The following NPAS3 variants were observed in gnomAD, a reference collection of about 807,000 sequenced individuals.
The protein encoded by NPAS3 is neuronal PAS domain protein 3.
A neutral mutation model predicts 73.1 loss-of-function variants in NPAS3; 14 were observed. The observed-to-expected ratio is 0.19, with a 90% CI of 0.13 to 0.30. The LOEUF (loss-of-function observed/expected upper bound fraction) is 0.30, where lower values mean the gene tolerates loss of function less well. Among genes scored for constraint, NPAS3 ranks in the 10% least tolerant of loss-of-function variants. The pLI, the probability that NPAS3 is intolerant of heterozygous loss-of-function variation, is 1.00. For missense variants in NPAS3, 1,096 were observed against 1,250.0 expected, an observed-to-expected ratio of 0.88 and a Z score of 1.86; for synonymous variants, 620 against 541.5, an observed-to-expected ratio of 1.14 and a Z score of -2.01.
chr14:32,983,404 A>T (rs755600015), intron 1 of NPAS3, among the ~76,000 whole-genome samples: 2 of 152,172 alleles, frequency 1.3e-5, no homozygotes, highest in Non-Finnish European at 2.9e-5. Context: ...TTACATTCCC[A>T]CTATTCAGGG....
intron 4 of NPAS3, among the ~76,000 whole-genome samples, chr14:33,447,309 C>T (rs1406015344): frequency 6.6e-6 from 1 of 152,142 alleles, no homozygotes; most frequent in East Asian, 1.9e-4. Context: ...CACAGAAGAG[C>T]ATGTTGTACA....
intron 3 of NPAS3, among the ~76,000 whole-genome samples, chr14:33,245,163 C>G (rs1042569218): frequency 6.6e-6 from 1 of 152,042 alleles, no homozygotes; most frequent in Non-Finnish European, 1.5e-5. Context: ...TATTTTTAGT[C>G]ATATTAAAAT....
chr14:33,549,617 A>G (rs2055014666), intron 4 of NPAS3, among the ~76,000 whole-genome samples: 1 of 152,212 alleles, frequency 6.6e-6, no homozygotes, highest in African/African-American at 2.4e-5. Flanking sequence ...TTGCTGTCTG[A>G]TATGATAGGT....
intron 2 of NPAS3, among the ~76,000 whole-genome samples, chr14:33,125,786 C>T (rs368693511): frequency 1.3e-5 from 2 of 151,984 alleles, no homozygotes; most frequent in Non-Finnish European, 2.9e-5. Context: ...AATCTTTAAA[C>T]CATACATGTT....
chr14:33,455,798 G>A (rs2049998196), intron 4 of NPAS3, among the ~76,000 whole-genome samples: 1 of 152,168 alleles, frequency 6.6e-6, no homozygotes, highest in Non-Finnish European at 1.5e-5. Flanking sequence ...TCCTCTAAGA[G>A]TCTTGCTCAT....
At chr14:33,463,953 T>C (rs2050389280) in intron 4 of NPAS3, among the ~76,000 whole-genome samples, 1 of 152,022 alleles carries the variant, frequency 6.6e-6, no homozygotes, top group Non-Finnish European at 1.5e-5. Context: ...AGGTTTCAGG[T>C]TGGATTCCTG....
intron 1 of NPAS3, among the ~76,000 whole-genome samples, chr14:33,025,941 A>C (rs2039786125): frequency 6.6e-6 from 1 of 152,212 alleles, no homozygotes; most frequent in Non-Finnish European, 1.5e-5. Context: ...ACAGTTGCCA[A>C]GTAGGTTCCA....
intron 4 of NPAS3, among the ~76,000 whole-genome samples, chr14:33,385,362 C>G (rs567684419): frequency 3.5e-4 from 53 of 152,204 alleles, no homozygotes; most frequent in African/African-American, 1.3e-3. Context: ...GCTAATTTTC[C>G]CTGTTGGAAA....
intron 5 of NPAS3, among the ~76,000 whole-genome samples, chr14:33,597,193 T>G (rs187160005): frequency 3.9e-5 from 6 of 152,216 alleles, no homozygotes; most frequent in Non-Finnish European, 7.3e-5. Context: ...AGGAGTAGCA[T>G]GTAGATTTCT....
intron 5 of NPAS3, among the ~76,000 whole-genome samples, chr14:33,607,014 T>C (rs1477625101): frequency 6.6e-6 from 1 of 152,218 alleles, no homozygotes; most frequent in African/African-American, 2.4e-5. Context: ...AGATTAAAAC[T>C]ACAGTGATAT....
At chr14:33,656,221 GCTAA>G (rs745348177) in intron 5 of NPAS3, among the ~76,000 whole-genome samples, 11 of 152,326 alleles carry the variant, frequency 7.2e-5, no homozygotes, top group Admixed American at 3.9e-4. Flanking sequence ...TAAGTACTGT[GCTAA>G]CTGTGTGGCA....
chr14:32,989,310 A>T (rs912949696), intron 1 of NPAS3, among the ~76,000 whole-genome samples: 14 of 152,228 alleles, frequency 9.2e-5, no homozygotes, highest in Non-Finnish European at 1.3e-4. Context: ...AGGTAGTCCT[A>T]TACAGGAAAT....
chr14:33,057,359 G>A (rs576366144), intron 2 of NPAS3, among the ~76,000 whole-genome samples: 1 of 151,970 alleles, frequency 6.6e-6, no homozygotes, highest in Admixed American at 6.6e-5. Flanking sequence ...GGCTCTTGGT[G>A]GCCAGGTTTC....
At chr14:32,993,624 A>G (rs1465267160) in intron 1 of NPAS3, among the ~76,000 whole-genome samples, 8 of 152,216 alleles carry the variant, frequency 5.3e-5, no homozygotes, top group Admixed American at 1.3e-4. Flanking sequence ...GTATTTTTAT[A>G]TTCAAATAAC....
At chr14:33,033,946 T>C (rs2040079628) in intron 1 of NPAS3, among the ~76,000 whole-genome samples, 1 of 152,212 alleles carries the variant, frequency 6.6e-6, no homozygotes, top group Admixed American at 6.6e-5. Context: ...TGTTTAGAGG[T>C]GTTATTTGAA....
intron 6 of NPAS3, among the ~76,000 whole-genome samples, chr14:33,678,474 C>T (rs113954590): frequency 0.019 from 2,888 of 152,208 alleles, 87 homozygotes; most frequent in African/African-American, 0.064. Context: ...TATTCAATGG[C>T]GTGTTCCTAA....
chr14:33,237,862 G>T (rs1292900888), intron 3 of NPAS3, among the ~76,000 whole-genome samples: 1 of 151,310 alleles, frequency 6.6e-6, no homozygotes, highest in African/African-American at 2.4e-5. Context: ...ATGCATTTTT[G>T]CATATGCTAT....
At chr14:33,775,990 C>T (rs1383747133) in intron 8 of NPAS3, among the ~76,000 whole-genome samples, 2 of 152,202 alleles carry the variant, frequency 1.3e-5, no homozygotes, top group Non-Finnish European at 2.9e-5. Flanking sequence ...AAGAGAGAAA[C>T]GTTGACTGTC....
intron 4 of NPAS3, among the ~76,000 whole-genome samples, chr14:33,532,389 AGG>A (rs561025408): frequency 4.6e-5 from 7 of 152,090 alleles, no homozygotes; most frequent in Non-Finnish European, 1.0e-4. Context: ...TTCTGGGAAA[AGG>A]TACAACCTCT....
Sources: allele counts gnomAD v4.1 joint callset (sites outside exome capture counted in the v4.1 genomes callset), GRCh38; gene constraint gnomAD v4.1.1; transcripts MANE v1.5; gene names NCBI Gene and HGNC (gene_info 2026-07-23, HGNC 2026-07-21).